The following TMEM25 variants were observed in gnomAD, a reference collection of about 807,000 sequenced individuals.
The protein encoded by TMEM25 is 0610039J01Rik.
Under a neutral mutation model 37.0 loss-of-function variants are expected in TMEM25, and 36 were observed. The ratio of observed to expected loss-of-function variants is 0.97; its 90% CI spans 0.75 to 1.28. The LOEUF (loss-of-function observed/expected upper bound fraction) is 1.28. Among genes scored for constraint, TMEM25 ranks in the 50% most tolerant of loss-of-function variants. The pLI is 0.00. For synonymous variants in TMEM25, 197 were observed against 203.7 expected, an observed-to-expected ratio of 0.97 and a Z score of 0.28; for missense variants, 444 against 477.9, an observed-to-expected ratio of 0.93 and a Z score of 0.66.
intron 8 of TMEM25, among the ~76,000 whole-genome samples, chr11:118,542,843 G>A (rs1269046762): frequency 1.3e-5 from 2 of 151,860 alleles, no homozygotes; most frequent in East Asian, 1.9e-4. Context: ...AACCCAGAAG[G>A]CAGAGGCTGC....
At position 118,534,506 on chromosome 11, in the gene TMEM25, G is replaced by C; in HGVS notation, c.1028-1G>C. 6.2e-7 allele frequency: 1 copy of C among 1,614,228 alleles called. No homozygotes were observed. ...CCCCGCGGGCTTCTTTGATCCCGCAGGTTTCATCCGCCTCCCAGTGCTGGG... is the reference window on the plus strand; with the variant it reads ...CCCCGCGGGCTTCTTTGATCCCGCACGTTTCATCCGCCTCCCAGTGCTGGG... On this transcript the variant is annotated splice_acceptor_variant, in intron 8 of 8. Coordinates refer to ENST00000313236, the MANE Select transcript of TMEM25 (RefSeq NM_032780.4). LOFTEE classifies it high-confidence loss of function. The surrounding 1 kb of genome is among the most constrained non-coding windows in gnomAD (Gnocchi z 4.6).
At chr11:118,536,967 T>A (rs1951518234), downstream of TMEM25, among the ~76,000 whole-genome samples, 2 of 152,290 alleles carry the variant, frequency 1.3e-5, no homozygotes, top group African/African-American at 4.8e-5. Context: ...CTTGAACTCC[T>A]GTGTTCAAGG....
At position 118,535,522 on chromosome 11, in the gene TMEM25, C is replaced by T; in HGVS notation, c.*942C>T. ...TTTTCTCTCAGCATGTCTCCTCCAC[C>T]ACGGGACCCCAGCCCTGACCAACCC... On this transcript the variant is annotated 3_prime_UTR_variant, in exon 9 of 9. Coordinates refer to ENST00000313236, the MANE Select transcript of TMEM25 (RefSeq NM_032780.4). 6.5e-7 allele frequency: 1 copy of T among 1,534,114 alleles called. No individual in the cohort carries two copies. The highest frequency in any genetic ancestry group is 8.7e-7 in the Non-Finnish European group (1 of 1,145,604).
intron 8 of TMEM25, chr11:118,544,958 G>A (rs1444141342): frequency 1.2e-6 from 2 of 1,613,704 alleles, no homozygotes; most frequent in Non-Finnish European, 1.7e-6. Flanking sequence ...CTTGGGAGGT[G>A]GAATTGGATG....
intron 8 of TMEM25, chr11:118,545,336 C>T (rs778752526): frequency 1.8e-6 from 2 of 1,122,862 alleles, no homozygotes; most frequent in Non-Finnish European, 2.7e-6. Flanking sequence ...GATGCAATCA[C>T]AGCAGGCTCA....
Position 118,533,226 on chromosome 11 carries a change from C to T in TMEM25, c.673+19C>T, listed in dbSNP as rs782304246. Reference sequence around the variant, plus strand: ...GCCCCAGGTGAGCATGGCCAGCAAGCGGCCCTGCAAAGCTTCAGGTGGGCT... The same window carrying T: ...GCCCCAGGTGAGCATGGCCAGCAAGTGGCCCTGCAAAGCTTCAGGTGGGCT... On this transcript the variant is annotated intron_variant, in intron 4 of 8. Coordinates refer to ENST00000313236, the MANE Select transcript of TMEM25 (RefSeq NM_032780.4). The T allele has an allele frequency of 4.8e-5, 75 of 1,576,712 alleles. No homozygotes were observed. Among genetic ancestry groups the T allele is most frequent in the Non-Finnish European group, 5.7e-5 (67 of 1,165,898 alleles).
chr11:118,534,143 C>G lies in TMEM25; in HGVS notation c.937+14C>G, dbSNP rs199928076. ...CAGATTCCAGAGGTATATCTAGGGC[C>G]CTGCTCTTTGCCCCTGCTTAATCTC... On this transcript the variant is annotated intron_variant, in intron 7 of 8. Transcript: ENST00000313236. The surrounding 1 kb of genome is among the most constrained non-coding windows in gnomAD (Gnocchi z 4.6). 26 of 1,613,928 alleles carry G rather than the reference C, an allele frequency of 1.6e-5. No homozygotes were observed. The East Asian group carries it at 5.8e-4, about 36-fold the overall frequency.
In TMEM25 at chr11:118,534,425, A is replaced by G; in HGVS notation, c.1027+70A>G. ...CCTGTGCTTATGCCAGAGGCCTCCA[A>G]GTGCCCAGGAGGCAGAGAGAGCTCT... On this transcript the variant is annotated intron_variant, in intron 8 of 8. Transcript: ENST00000313236. This position sits in a 1 kb window ranked among gnomAD's most constrained non-coding sequence, Gnocchi z 4.6. 1 of 1,609,556 alleles carries G rather than the reference A, an allele frequency of 6.2e-7. No homozygotes were observed. The highest frequency in any genetic ancestry group is 1.3e-5 in the African/African-American group (1 of 74,922).
rs1555062519 is a variant in TMEM25, at chr11:118,534,992, G to C, written c.*412G>C. On this transcript the variant is annotated 3_prime_UTR_variant, in exon 9 of 9. Transcript: ENST00000313236. The surrounding 1 kb of genome is among the most constrained non-coding windows in gnomAD (Gnocchi z 4.6). ...GGGGGCGTGCCTGTGTGGGGGACAG[G>C]GAGGGCCCTGCATGGATTTTCCTCC... 3 of 1,046,250 alleles carry C rather than the reference G, an allele frequency of 2.9e-6. No individual in the cohort carries two copies. Among genetic ancestry groups the C allele is most frequent in the Admixed American group, 1.0e-4 (2 of 19,442 alleles). 64.8% of individuals were successfully genotyped at this position (1,046,250 alleles called of 1,614,324 possible). A position where few individuals can be genotyped will look rare whatever the true frequency, so the allele number is the denominator to read the frequency against.
At chr11:118,532,704 C>A in intron 3 of TMEM25, 1 of 787,740 alleles carries the variant, frequency 1.3e-6, no homozygotes, top group Non-Finnish European at 2.0e-6. Flanking sequence ...TGGTAAGAAG[C>A]AGAGCCAGGA....
chr11:118,544,618 TCTTTTAAG>T (rs1555066534), intron 8 of TMEM25: 3 of 326,500 alleles, frequency 9.2e-6, no homozygotes, highest in African/African-American at 6.4e-5. Flanking sequence ...AAAAAGGACA[TCTTTTAAG>T]CTTTCCTCCC....
chr11:118,541,620 T>G (rs1318581590), intron 8 of TMEM25, among the ~76,000 whole-genome samples: 1 of 152,144 alleles, frequency 6.6e-6, no homozygotes, highest in Non-Finnish European at 1.5e-5. Context: ...ACAGGGTACA[T>G]GTGCAGGATT....
intron 8 of TMEM25, chr11:118,545,109 C>A: frequency 1.1e-6 from 1 of 928,172 alleles, no homozygotes; most frequent in Admixed American, 2.1e-5. Flanking sequence ...CCCTTTATTT[C>A]CTTCCTGCTT....
intron 3 of TMEM25, 38 bp from the exon 4 acceptor site, chr11:118,532,879 G>T (rs782725584): frequency 1.3e-6 from 2 of 1,584,384 alleles, no homozygotes; most frequent in Non-Finnish European, 1.7e-6. Flanking sequence ...AGTATGAGGG[G>T]CTGTGGTGAG....
rs1204110077 is a variant in TMEM25 at position 118,535,558 on chromosome 11, C to T, written c.*978C>T. ...AGCCCTGACCAACCCATGGTTGCCT[C>T]ATCAGCAGGAAGGTGCCCTTCCTGG... On this transcript the variant is annotated 3_prime_UTR_variant, in exon 9 of 9. Coordinates refer to ENST00000313236, the MANE Select transcript of TMEM25 (RefSeq NM_032780.4). 1 of 1,535,918 alleles carries T rather than the reference C, an allele frequency of 6.5e-7. No individual in the cohort carries two copies. The highest frequency in any genetic ancestry group is 8.7e-7 in the Non-Finnish European group (1 of 1,146,780).
exon 9 of TMEM25, chr11:118,546,299 A>T: frequency 1.6e-6 from 1 of 628,062 alleles, no homozygotes; most frequent in South Asian, 1.9e-5. Flanking sequence ...GGAGTTCGAG[A>T]CCAGCCTGGG....
rs1951357687 is a variant in TMEM25 at position 118,532,904 on chromosome 11, T to C, written c.383-13T>C. ...GCTGTGGTGAGAGCATATTGGCCTC[T>C]GCTTTGTACCAGTCAAGCCAGAGAT... On this transcript the variant is annotated splice_polypyrimidine_tract_variant and intron_variant, in intron 3 of 8. Coordinates refer to ENST00000313236, the MANE Select transcript of TMEM25 (RefSeq NM_032780.4). The C allele has an allele frequency of 1.9e-6, 3 of 1,605,810 alleles. No homozygotes were observed. In the East Asian group the frequency reaches 6.7e-5, roughly 36 times the overall value.
intron 8 of TMEM25, among the ~76,000 whole-genome samples, chr11:118,545,164 T>C (rs1408820000): frequency 6.6e-6 from 1 of 152,200 alleles, no homozygotes; most frequent in African/African-American, 2.4e-5. Flanking sequence ...GTGTCCTCTG[T>C]AGATCCTCAC....
intron 4 of TMEM25, 95 bp from the exon 5 acceptor site, chr11:118,533,325 C>T: frequency 1.3e-6 from 2 of 1,582,936 alleles, no homozygotes; most frequent in Non-Finnish European, 1.7e-6. Flanking sequence ...GAACTGTCCC[C>T]AGCCACCCTG....
Sources: allele counts gnomAD v4.1 joint callset (sites outside exome capture counted in the v4.1 genomes callset), GRCh38; gene constraint gnomAD v4.1.1; non-coding constraint Gnocchi (gnomAD v3.1); transcripts MANE v1.5; gene names NCBI Gene and HGNC (gene_info 2026-07-23, HGNC 2026-07-21).